The following CPSF4L variants were observed in gnomAD, a reference collection of about 807,000 sequenced individuals.
CPSF4L encodes the protein cleavage and polyadenylation specific factor 4 like.
CPSF4L carries 18 observed loss-of-function variants against 24.0 expected under a neutral mutation model. The observed-to-expected ratio is 0.75, with a 90% CI of 0.52 to 1.11. The LOEUF is 1.11. Among genes scored for constraint, CPSF4L ranks in the 50% least tolerant of loss-of-function variants. The pLI is 0.00. For missense variants in CPSF4L, 211 were observed against 221.8 expected, an observed-to-expected ratio of 0.95 and a Z score of 0.31; for synonymous variants, 72 against 77.2, an observed-to-expected ratio of 0.93 and a Z score of 0.35.
chr17:73,258,632 C>T (rs1012390861), intron 2 of CPSF4L, among the ~76,000 whole-genome samples: 1 of 152,110 alleles, frequency 6.6e-6, no homozygotes, highest in Non-Finnish European at 1.5e-5. Context: ...CACAGCTGTT[C>T]CCACTACCAC....
At chr17:73,254,213 C>A (rs1051180328) in intron 3 of CPSF4L, among the ~76,000 whole-genome samples, 187 bp from the exon 4 acceptor site, 3 of 152,186 alleles carry the variant, frequency 2.0e-5, no homozygotes, top group Admixed American at 1.3e-4. Context: ...GGATCCCAGT[C>A]CTATTTGCTA....
intron 5 of CPSF4L, among the ~76,000 whole-genome samples, chr17:73,251,441 GTT>G (rs2062005835): frequency 1.3e-5 from 2 of 152,148 alleles, no homozygotes; most frequent in Admixed American, 1.3e-4. Flanking sequence ...CTGCCCCAGT[GTT>G]GGCGCTGTCT....
Position 73,260,960 on chromosome 17 carries a change from A to C in CPSF4L, c.127T>G (p.Phe43Val). 2 of 1,550,562 alleles carry C rather than the reference A, an allele frequency of 1.3e-6. No homozygotes were observed. The highest frequency in any genetic ancestry group is 1.7e-6 in the Non-Finnish European group (2 of 1,146,312). The change falls in exon 2 of 6, where the codon TTC (phenylalanine) becomes GTC (valine). Residue 43 changes from phenylalanine (F) to valine (V), a missense_variant. Coordinates refer to ENST00000344935, the MANE Select transcript of CPSF4L (RefSeq NM_001129885.1). ...MDKSASAVCNFFTKGLCEKGK... is the reference protein window; with the variant it reads ...MDKSASAVCNVFTKGLCEKGK... ...TTCTCACAGAGCCCTTTAGTGAAGA[A>C]GTTGCACACAGCTGAGGCCGACTCT... is the stretch of plus-strand genomic sequence containing the variant.
intron 5 of CPSF4L, among the ~76,000 whole-genome samples, chr17:73,249,574 G>C (rs544993636): frequency 1.3e-5 from 2 of 152,074 alleles, no homozygotes; most frequent in East Asian, 1.9e-4. Context: ...TTACCAAGGT[G>C]GGGGGCCAGT....
At chr17:73,255,115 G>A (rs1056117301) in intron 3 of CPSF4L, among the ~76,000 whole-genome samples, 10 of 152,132 alleles carry the variant, frequency 6.6e-5, no homozygotes, top group Non-Finnish European at 4.4e-5. Context: ...CTGAAGGAGC[G>A]TCGTAGCGTC....
chr17:73,246,304 C>T (rs762613075), downstream of CPSF4L, among the ~76,000 whole-genome samples: 6 of 152,012 alleles, frequency 3.9e-5, no homozygotes, highest in Non-Finnish European at 7.4e-5. Flanking sequence ...TAGGCCAAGG[C>T]GGGCGGATCA....
chr17:73,245,944 G>A (rs2061944805), downstream of CPSF4L, among the ~76,000 whole-genome samples: 2 of 152,014 alleles, frequency 1.3e-5, no homozygotes, highest in Non-Finnish European at 2.9e-5. Context: ...CTCTCCATTT[G>A]TTAGGGTTGT....
chr17:73,245,094 G>A, downstream of CPSF4L: 2 of 1,411,734 alleles, frequency 1.4e-6, no homozygotes, highest in Non-Finnish European at 1.0e-6. Flanking sequence ...AGAATGATCT[G>A]TAGAGGCAAA....
intron 3 of CPSF4L, among the ~76,000 whole-genome samples, chr17:73,256,050 C>G (rs1398238762): frequency 6.6e-6 from 1 of 152,194 alleles, no homozygotes; most frequent in Non-Finnish European, 1.5e-5. Context: ...ACTGTAAGAA[C>G]AGTAGATTAC....
At chr17:73,246,164 T>C (rs2061947899), downstream of CPSF4L, among the ~76,000 whole-genome samples, 1 of 152,202 alleles carries the variant, frequency 6.6e-6, no homozygotes, top group African/African-American at 2.4e-5. Flanking sequence ...CACACACCCG[T>C]CTGTCTCAGC....
In CPSF4L at chr17:73,261,799, C is replaced by G; in HGVS notation, c.20G>C (p.Gly7Ala). 6.4e-7 allele frequency: 1 copy of G among 1,551,718 alleles called. No individual in the cohort carries two copies. The highest frequency in any genetic ancestry group is 8.7e-7 in the Non-Finnish European group (1 of 1,146,944). MQEVIA[G>A]LERFTFAFEK... ...GAAGGCAAAGGTGAACCGCTCTAGC[C>G]CCGCAATGACCTCTTGCATCTTCCG... The change falls in exon 1 of 6, where the codon GGG becomes GCG. Residue 7 changes from glycine to alanine, a missense_variant. Gly to Ala is a moderately conservative substitution (Grantham distance 60). Coordinates refer to ENST00000344935, the MANE Select transcript of CPSF4L (RefSeq NM_001129885.1).
downstream of CPSF4L, chr17:73,245,683 G>A: frequency 4.1e-6 from 4 of 985,384 alleles, no homozygotes; most frequent in Non-Finnish European, 4.8e-6. Flanking sequence ...ATCTTGATAA[G>A]GTGTGAGAAA....
intron 5 of CPSF4L, chr17:73,250,868 C>G (rs2062002852): frequency 2.3e-6 from 2 of 871,364 alleles, no homozygotes; most frequent in Admixed American, 5.9e-5. Flanking sequence ...AATTCACACT[C>G]CTATCTGCTG....
downstream of CPSF4L, chr17:73,247,127 ATTTGGTTAGG>A: frequency 1.1e-6 from 1 of 877,026 alleles, no homozygotes; most frequent in Non-Finnish European, 1.8e-6. Context: ...AGCCCTGCTC[ATTTGGTTAGG>A]TGGCATCCAT....
At chr17:73,242,294 G>C in the CPSF4L span, 1 of 1,605,692 alleles carries the variant, frequency 6.2e-7, no homozygotes, top group African/African-American at 1.3e-5. Flanking sequence ...GGAACCCCCT[G>C]CCGGACTTAC....
At position 73,248,656 on chromosome 17, in the gene CPSF4L, G is replaced by A. The variant is rs528725995; in HGVS notation, c.498-120C>T. 2.0e-4 allele frequency: 194 copies of A among 986,826 alleles called. 1 individual carries two copies. In the African/African-American group the frequency reaches 2.5e-3, roughly 13 times the overall value. 61.1% of individuals were successfully genotyped at this position (986,826 alleles called of 1,614,324 possible). On this transcript the variant is annotated intron_variant, in intron 5 of 5. Transcript: ENST00000344935. The stretch of plus-strand genomic sequence containing the variant: ...GGCTACTGTCCATGCTTGAGAGGAC[G>A]TATTTGAAGGTTCTGTTACTACAAG...
At chr17:73,242,808 C>T in the CPSF4L span, 1 of 968,682 alleles carries the variant, frequency 1.0e-6, no homozygotes, top group South Asian at 1.5e-5. Flanking sequence ...TTCCATCACT[C>T]AGGCTAACTG....
chr17:73,245,230 G>T, downstream of CPSF4L: 1 of 1,612,448 alleles, frequency 6.2e-7, no homozygotes, highest in South Asian at 1.1e-5. Flanking sequence ...GAACAGCAAA[G>T]GGCGTACAGT....
downstream of CPSF4L, chr17:73,244,670 T>C (rs1438627698): frequency 6.6e-6 from 1 of 151,726 alleles, no homozygotes; most frequent in East Asian, 1.9e-4. Flanking sequence ...CGATGAATTC[T>C]GAAGGCCAGC....
Sources: allele counts gnomAD v4.1 joint callset (sites outside exome capture counted in the v4.1 genomes callset), GRCh38; gene constraint gnomAD v4.1.1; transcripts MANE v1.5; gene names NCBI Gene and HGNC (gene_info 2026-07-23, HGNC 2026-07-21).